INPP4B: variants seen among roughly 807,000 people sequenced by gnomAD.
The protein encoded by INPP4B is inositol polyphosphate-4-phosphatase type II B, also known as inositol polyphosphate 4-phosphatase type II.
INPP4B carries 55 observed loss-of-function variants against 122.5 expected under a neutral mutation model. That is an observed-to-expected ratio of 0.45 (90% CI 0.36 to 0.56). The LOEUF is 0.56. INPP4B is among the 20% of genes least tolerant of loss of function. The probability of loss-of-function intolerance (pLI) is 0.00; values close to 1 mark genes in which losing one functional copy is unlikely to be tolerated. For missense variants in INPP4B, 1,000 were observed against 1,097.7 expected (o/e 0.91, Z 1.26); for synonymous variants, 403 against 388.7 (o/e 1.04, Z -0.43).
intron 1 of INPP4B, among the ~76,000 whole-genome samples, chr4:142,796,870 G>A (rs1273709585): frequency 8.2e-5 from 3 of 36,454 alleles, no homozygotes; most frequent in East Asian, 9.3e-3. Flanking sequence ...GAAAACAGAT[G>A]TGTGTGTGTG....
At chr4:142,038,709 A>C (rs1745478441) in intron 25 of INPP4B, among the ~76,000 whole-genome samples, 1 of 152,168 alleles carries the variant, frequency 6.6e-6, no homozygotes, top group Admixed American at 6.5e-5. Flanking sequence ...GAAGAGGAAA[A>C]TTTATGATTA....
At chr4:142,525,942 G>C (rs1390124578) in intron 2 of INPP4B, among the ~76,000 whole-genome samples, 3 of 152,064 alleles carry the variant, frequency 2.0e-5, no homozygotes, top group African/African-American at 7.2e-5. Context: ...TACCATCAGA[G>C]TGAACAGGCA....
intron 18 of INPP4B, among the ~76,000 whole-genome samples, chr4:142,125,098 T>A (rs1798125598): frequency 6.6e-6 from 1 of 152,128 alleles, no homozygotes; most frequent in Non-Finnish European, 1.5e-5. Flanking sequence ...TTACTGGACT[T>A]CCTCTTTTGC....
intron 25 of INPP4B, among the ~76,000 whole-genome samples, chr4:142,041,513 G>T (rs958016607): frequency 1.4e-4 from 22 of 152,128 alleles, no homozygotes; most frequent in Admixed American, 1.4e-3. Context: ...AGCTACTCAG[G>T]AGGCTGAGGC....
chr4:142,193,277 G>T (rs1836768850), intron 14 of INPP4B, 82 bp from the exon 15 acceptor site: 2 of 736,150 alleles, frequency 2.7e-6, no homozygotes, highest in Admixed American at 4.3e-5. Context: ...CATACCTATT[G>T]TAGGAAGTAT....
At chr4:142,539,519 C>T (rs1272552937) in intron 2 of INPP4B, among the ~76,000 whole-genome samples, 6 of 152,022 alleles carry the variant, frequency 3.9e-5, no homozygotes. Context: ...AGGTGTTCTT[C>T]CCTTTGCCGC....
At chr4:142,188,518 A>AAAAATATATAT (rs1834267141) in intron 15 of INPP4B, among the ~76,000 whole-genome samples, 2 of 105,096 alleles carry the variant, frequency 1.9e-5, no homozygotes, top group African/African-American at 3.3e-5. Flanking sequence ...AAAGAAAAAA[A>AAAAATATATAT]ATATATATAG....
chr4:142,814,010 C>A (rs985538157), intron 1 of INPP4B, among the ~76,000 whole-genome samples: 2 of 152,168 alleles, frequency 1.3e-5, no homozygotes, highest in Non-Finnish European at 2.9e-5. Context: ...AGAGCTCAAC[C>A]TTTCCTTCAA....
At chr4:142,765,901 C>G (rs1289118671) in intron 1 of INPP4B, 2 of 151,346 alleles carry the variant, frequency 1.3e-5, no homozygotes. Flanking sequence ...TATTTTCCAG[C>G]TAACAAGGTG....
At chr4:142,570,017 CT>C (rs1360755254) in intron 2 of INPP4B, among the ~76,000 whole-genome samples, 1 of 152,042 alleles carries the variant, frequency 6.6e-6, no homozygotes, top group Non-Finnish European at 1.5e-5. Context: ...ACAAGAACCC[CT>C]CTTCCAAAAA....
At chr4:142,677,373 G>A (rs1045795049) in intron 2 of INPP4B, among the ~76,000 whole-genome samples, 2 of 152,120 alleles carry the variant, frequency 1.3e-5, no homozygotes, top group East Asian at 1.9e-4. Flanking sequence ...GGAGAAATAG[G>A]AACGCTTTTA....
intron 2 of INPP4B, among the ~76,000 whole-genome samples, chr4:142,602,390 T>C (rs959317754): frequency 6.6e-5 from 10 of 152,222 alleles, no homozygotes; most frequent in African/African-American, 2.2e-4. Context: ...ATTGTAAAAA[T>C]GGCAATACTT....
intron 14 of INPP4B, among the ~76,000 whole-genome samples, chr4:142,203,401 TATAAA>T (rs139516428): frequency 0.016 from 2,474 of 152,206 alleles, 75 homozygotes; most frequent in African/African-American, 0.057. Context: ...ATCTATAGCA[TATAAA>T]ATAAAACAGA....
At chr4:142,844,357 A>G (rs1056631706) in intron 1 of INPP4B, among the ~76,000 whole-genome samples, 1 of 152,244 alleles carries the variant, frequency 6.6e-6, no homozygotes, top group Non-Finnish European at 1.5e-5. Flanking sequence ...ATCTGCAAAC[A>G]TGTTTCTTAA....
At chr4:142,199,293 T>A (rs1182983170) in intron 14 of INPP4B, among the ~76,000 whole-genome samples, 1 of 152,116 alleles carries the variant, frequency 6.6e-6, no homozygotes, top group Non-Finnish European at 1.5e-5. Context: ...AACTGAGGAA[T>A]AAAATATTTA....
chr4:142,723,869 A>C (rs1158368935), intron 2 of INPP4B, among the ~76,000 whole-genome samples: 2 of 152,116 alleles, frequency 1.3e-5, no homozygotes, highest in Non-Finnish European at 2.9e-5. Flanking sequence ...ACGAGATTGC[A>C]AACACCCCCA....
At chr4:142,614,390 A>T (rs1209184781) in intron 2 of INPP4B, among the ~76,000 whole-genome samples, 1 of 152,174 alleles carries the variant, frequency 6.6e-6, no homozygotes, top group Non-Finnish European at 1.5e-5. Flanking sequence ...TATAAAAATA[A>T]CTAAAGATAG....
intron 2 of INPP4B, among the ~76,000 whole-genome samples, chr4:142,474,051 C>T (rs1819391839): frequency 6.6e-6 from 1 of 152,196 alleles, no homozygotes; most frequent in Non-Finnish European, 1.5e-5. Context: ...GGAGACCCCA[C>T]CCACCCTTAC....
chr4:142,642,166 AC>A (rs1750655927), intron 2 of INPP4B, among the ~76,000 whole-genome samples: 1 of 151,960 alleles, frequency 6.6e-6, no homozygotes. Flanking sequence ...TCTGGATATT[AC>A]CCCTTTGTCA....
Sources: gnomAD v4.1 joint callset for allele counts (sites outside exome capture counted in the v4.1 genomes callset) on GRCh38, gnomAD v4.1.1 for gene constraint, MANE v1.5 for transcripts, NCBI Gene and HGNC (gene_info 2026-07-23, HGNC 2026-07-21) for gene names.